The following NFIA variants were observed in gnomAD, a reference collection of about 807,000 sequenced individuals.
NFIA encodes nuclear factor 1 A-type.
A neutral mutation model predicts 62.8 loss-of-function variants in NFIA; 8 were observed. That is an observed-to-expected ratio of 0.13 (90% CI 0.07 to 0.23). NFIA has a LOEUF of 0.23. NFIA is among the 10% of genes least tolerant of loss of function. The probability of loss-of-function intolerance (pLI) is 1.00; values close to 1 mark genes in which losing one functional copy is unlikely to be tolerated. For missense variants in NFIA, 410 were observed against 642.1 expected (o/e 0.64, Z 3.91); for synonymous variants, 235 against 238.1 (o/e 0.99, Z 0.12).
chr1:61,383,347 G>A lies in NFIA; in HGVS notation c.1057G>A (p.Val353Ile), dbSNP rs114753594. Residue 353 changes from valine to isoleucine, a missense_variant, in exon 7 of 11, where the codon GTC becomes ATC. Val to Ile is a conservative substitution (Grantham distance 29). This residue lies in a region of NFIA where 298 missense variants were observed against 438.1 expected (regional missense o/e 0.68). Coordinates refer to ENST00000403491, the MANE Select transcript of NFIA (RefSeq NM_001134673.4). ...GTAFTQHHRP[V>I]ITGPRASPHA... ...GGCGTTCACACAGCATCACCGACCT[G>A]TCATTACAGGACCCAGAGGTGAGCT... 1 of 1,613,934 alleles carries A rather than the reference G, an allele frequency of 6.2e-7. No homozygotes were observed. The highest frequency in any genetic ancestry group is 2.2e-5 in the East Asian group (1 of 44,866).
At chr1:61,372,212 T>C (rs116805813) in intron 6 of NFIA, among the ~76,000 whole-genome samples, 137 of 152,212 alleles carry the variant, frequency 9.0e-4, no homozygotes, top group Non-Finnish European at 1.7e-3. Context: ...TGATCAAGTT[T>C]CACCCAACTT....
chr1:61,457,590 C>T lies in NFIA; in HGVS notation c.*2270C>T, dbSNP rs2100598524. The T allele has an allele frequency of 6.6e-6, 1 of 152,170 alleles. No homozygotes were observed. The highest frequency in any genetic ancestry group is 6.5e-5 in the Admixed American group (1 of 15,292). 9.4% of individuals were successfully genotyped at this position (152,170 alleles called of 1,614,324 possible). A position where few individuals can be genotyped will look rare whatever the true frequency, so the allele number is the denominator to read the frequency against. On this transcript the variant is annotated 3_prime_UTR_variant, in exon 11 of 11. Coordinates refer to ENST00000403491, the MANE Select transcript of NFIA (RefSeq NM_001134673.4). The surrounding 1 kb of genome is among the most constrained non-coding windows in gnomAD (Gnocchi z 4.2). ...GATATATGAAAATATGCAATACCTG[C>T]TTATATCATGTAGAAAAGCTTAGCA...
intron 2 of NFIA, among the ~76,000 whole-genome samples, chr1:61,241,792 T>C (rs1655364820): frequency 6.6e-6 from 1 of 152,070 alleles, no homozygotes; most frequent in South Asian, 2.1e-4. Flanking sequence ...GTACTACTTG[T>C]TTCACATGCT....
At chr1:61,430,587 A>C (rs1667058603) in intron 10 of NFIA, among the ~76,000 whole-genome samples, 1 of 152,274 alleles carries the variant, frequency 6.6e-6, no homozygotes, top group African/African-American at 2.4e-5. Flanking sequence ...CATCATCTGT[A>C]ATGATTGGTG....
At chr1:61,093,781 G>A (rs1221454448) in intron 2 of NFIA, among the ~76,000 whole-genome samples, 1 of 152,210 alleles carries the variant, frequency 6.6e-6, no homozygotes, top group African/African-American at 2.4e-5. Context: ...GAGGTTGAGT[G>A]TGTTGGTAAG....
chr1:61,291,225 TGTTCTTTCAGCAGATATTGTTGAATTCA>T (rs1400050550), intron 3 of NFIA, among the ~76,000 whole-genome samples: 1 of 152,218 alleles, frequency 6.6e-6, no homozygotes, highest in Non-Finnish European at 1.5e-5. Flanking sequence ...CCCTTTCCGG[TGTTCTTTCAGCAGATATTGTTGAATTCA>T]GTTCTATCTG....
At chr1:61,124,319 C>T (rs1646933789) in intron 2 of NFIA, among the ~76,000 whole-genome samples, 1 of 152,160 alleles carries the variant, frequency 6.6e-6, no homozygotes, top group Non-Finnish European at 1.5e-5. Flanking sequence ...ACAAGTATGA[C>T]TGGGTCCTAT....
chr1:61,268,942 C>T (rs1056912314), intron 2 of NFIA, among the ~76,000 whole-genome samples: 2 of 152,058 alleles, frequency 1.3e-5, no homozygotes, highest in Non-Finnish European at 2.9e-5. Context: ...CCACCCCCAC[C>T]GTCCCCTGAA....
intron 2 of NFIA, among the ~76,000 whole-genome samples, chr1:61,197,459 G>A (rs1021175586): frequency 1.3e-5 from 2 of 150,854 alleles, no homozygotes; most frequent in African/African-American, 2.4e-5. Flanking sequence ...GGCTGGTTTC[G>A]AACTCCTGAC....
intron 3 of NFIA, among the ~76,000 whole-genome samples, chr1:61,294,763 C>T (rs900734576): frequency 5.9e-5 from 9 of 152,168 alleles, no homozygotes; most frequent in African/African-American, 2.2e-4. Flanking sequence ...TCTTATGCTT[C>T]GCTATATCCC....
At chr1:61,101,395 C>CA (rs1226359890) in intron 2 of NFIA, among the ~76,000 whole-genome samples, 1,157 of 67,276 alleles carry the variant, frequency 0.017, 15 homozygotes, top group African/African-American at 0.05. Flanking sequence ...AACTCCATCT[C>CA]AAAAAAAAAA....
At chr1:61,366,419 A>G (rs1046022188) in intron 6 of NFIA, among the ~76,000 whole-genome samples, 1 of 152,238 alleles carries the variant, frequency 6.6e-6, no homozygotes, top group Non-Finnish European at 1.5e-5. Context: ...AAAACATTCA[A>G]AATTCCAAAT....
Position 61,241,033 on chromosome 1 carries a change from AGG to A in NFIA, c.560-36486_560-36485del, listed in dbSNP as rs199908126. 5.9e-3 allele frequency among the ~76,000 whole-genome samples: 896 copies of A among 151,894 alleles called. 7 individuals are homozygous for A. Among genetic ancestry groups the A allele is most frequent in the African/African-American group, 0.02 (836 of 41,402 alleles). On this transcript the variant is annotated intron_variant, in intron 2 of 10. Transcript: ENST00000403491. The stretch of plus-strand genomic sequence containing the variant: ...TTTTGGTTTATAATTTCTTTACCTA[AGG>A]AGAGTTTTGTGCTGCATGACTCCTT...
intron 9 of NFIA, among the ~76,000 whole-genome samples, chr1:61,411,236 G>C (rs1256974824): frequency 1.3e-5 from 2 of 152,046 alleles, no homozygotes; most frequent in Non-Finnish European, 2.9e-5. Flanking sequence ...AGAAAAGCAG[G>C]GGGAAGGCAG....
chr1:61,355,397 A>G (rs1375852901), intron 5 of NFIA, among the ~76,000 whole-genome samples: 1 of 152,186 alleles, frequency 6.6e-6, no homozygotes, highest in Non-Finnish European at 1.5e-5. Flanking sequence ...CATCTTCAAA[A>G]TCATAGAAAG....
chr1:61,379,881 G>C (rs1049209748), intron 6 of NFIA, among the ~76,000 whole-genome samples: 1 of 152,120 alleles, frequency 6.6e-6, no homozygotes, highest in African/African-American at 2.4e-5. Flanking sequence ...TGATGAATTT[G>C]AAGGAATCTT....
intron 10 of NFIA, among the ~76,000 whole-genome samples, chr1:61,429,436 A>G (rs182292001): frequency 1.7e-3 from 266 of 152,320 alleles, no homozygotes; most frequent in Non-Finnish European, 3.2e-3. Flanking sequence ...GTATTATGTT[A>G]CTGCCTTATG....
At chr1:61,339,109 C>A (rs1157787015) in intron 4 of NFIA, among the ~76,000 whole-genome samples, 1 of 152,162 alleles carries the variant, frequency 6.6e-6, no homozygotes, top group Non-Finnish European at 1.5e-5. Context: ...CGATCAATAT[C>A]CTATTAAAGC....
intron 4 of NFIA, among the ~76,000 whole-genome samples, chr1:61,342,500 C>G (rs1661976573): frequency 6.6e-6 from 1 of 152,296 alleles, no homozygotes; most frequent in African/African-American, 2.4e-5. Context: ...TGCAGAAAAT[C>G]AATTTCAGCC....
Sources: allele counts gnomAD v4.1 joint callset (sites outside exome capture counted in the v4.1 genomes callset), GRCh38; gene constraint gnomAD v4.1.1; regional missense constraint gnomAD v4.1.1; non-coding constraint Gnocchi (gnomAD v3.1); transcripts MANE v1.5; gene names NCBI Gene and HGNC (gene_info 2026-07-23, HGNC 2026-07-21).